The following PTGER3 variants were observed in gnomAD, a reference collection of about 807,000 sequenced individuals.
PTGER3 encodes the protein prostaglandin E2 receptor EP3 subtype.
In PTGER3, 22 loss-of-function variants were observed where a neutral mutation model predicts 34.7. The ratio of observed to expected loss-of-function variants is 0.63; its 90% CI spans 0.45 to 0.91. The LOEUF (loss-of-function observed/expected upper bound fraction) is 0.91, where lower values mean the gene tolerates loss of function less well. Among genes scored for constraint, PTGER3 ranks in the 40% least tolerant of loss-of-function variants. The probability of loss-of-function intolerance (pLI) is 0.00; values close to 1 mark genes in which losing one functional copy is unlikely to be tolerated. For synonymous variants in PTGER3, 241 were observed against 230.1 expected, an observed-to-expected ratio of 1.05 and a Z score of -0.43; for missense variants, 468 against 519.4, an observed-to-expected ratio of 0.90 and a Z score of 0.96.
rs995371600 is a variant in PTGER3 at position 70,952,484 on chromosome 1, A to T, written c.*423T>A. 2.0e-5 allele frequency: 20 copies of T among 986,042 alleles called. No individual in the cohort carries two copies. The African/African-American group carries it at 3.0e-4, about 15-fold the overall frequency. 61.1% of individuals were successfully genotyped at this position (986,042 alleles called of 1,614,324 possible). On this transcript the variant is annotated 3_prime_UTR_variant, in exon 4 of 4. Transcript: ENST00000356595. Reference sequence around the variant, plus strand: ...AACCTGAACAAATAACAGATTTTCCATTCACAAACCCATAACCTTATGTCA... The same window carrying T: ...AACCTGAACAAATAACAGATTTTCCTTTCACAAACCCATAACCTTATGTCA...
At chr1:70,985,513 G>A (rs1188768913) in intron 2 of PTGER3, among the ~76,000 whole-genome samples, 1 of 152,126 alleles carries the variant, frequency 6.6e-6, no homozygotes, top group Non-Finnish European at 1.5e-5. Flanking sequence ...GACAAACTGT[G>A]TATGCCACCC....
intron 4 of PTGER3, among the ~76,000 whole-genome samples, chr1:70,943,137 G>C (rs1474388342): frequency 4.6e-5 from 7 of 152,148 alleles, no homozygotes; most frequent in Admixed American, 4.6e-4. Context: ...CAACTAGTCT[G>C]TCAGTCTTTC....
chr1:70,943,377 A>G (rs554476102), intron 4 of PTGER3, among the ~76,000 whole-genome samples: 398 of 152,148 alleles, frequency 2.6e-3, no homozygotes, highest in Non-Finnish European at 4.5e-3. Context: ...ACACGATTTC[A>G]TCATTGGAGA....
chr1:70,994,202 A>G (rs1316644009), intron 2 of PTGER3, among the ~76,000 whole-genome samples: 1 of 152,140 alleles, frequency 6.6e-6, no homozygotes, highest in South Asian at 2.1e-4. Flanking sequence ...TCTTCCCTTC[A>G]TATCACCTCA....
At chr1:70,967,902 T>G (rs984182952), downstream of PTGER3, among the ~76,000 whole-genome samples, 1 of 152,206 alleles carries the variant, frequency 6.6e-6, no homozygotes, top group Admixed American at 6.5e-5. Context: ...ATGTAAAAGA[T>G]AATGACTCTA....
chr1:71,010,506 C>T, intron 2 of PTGER3: 1 of 984,060 alleles, frequency 1.0e-6, no homozygotes, highest in Non-Finnish European at 1.2e-6. Context: ...CATGCTCATG[C>T]CACTCAAATT....
At chr1:71,024,957 C>T (rs1658777210) in intron 1 of PTGER3, among the ~76,000 whole-genome samples, 1 of 151,506 alleles carries the variant, frequency 6.6e-6, no homozygotes, top group Non-Finnish European at 1.5e-5. Flanking sequence ...ATATGCACAA[C>T]GTGCAGGTTT....
intron 4 of PTGER3, among the ~76,000 whole-genome samples, chr1:70,869,884 G>T (rs1221633172): frequency 2.6e-5 from 4 of 152,162 alleles, no homozygotes; most frequent in Non-Finnish European, 5.9e-5. Context: ...TACACTGAGG[G>T]TGCAAAGTGC....
chr1:70,944,710 CT>C (rs1458891437), intron 4 of PTGER3, among the ~76,000 whole-genome samples: 1 of 152,076 alleles, frequency 6.6e-6, no homozygotes, highest in African/African-American at 2.4e-5. Context: ...CAAGAACTTT[CT>C]GCTGAGACTG....
At chr1:70,966,491 T>TA (rs1012047037), downstream of PTGER3, among the ~76,000 whole-genome samples, 7 of 151,980 alleles carry the variant, frequency 4.6e-5, no homozygotes, top group Admixed American at 2.0e-4. Context: ...TTCTTTATTC[T>TA]AAAAAAAACA....
At chr1:70,940,141 C>G (rs2100539813) in intron 4 of PTGER3, among the ~76,000 whole-genome samples, 1 of 152,332 alleles carries the variant, frequency 6.6e-6, no homozygotes, top group Middle Eastern at 3.4e-3. Flanking sequence ...TCACAAATCC[C>G]TAGGGCAGGG....
At chr1:71,029,462 T>C (rs1054601998) in intron 1 of PTGER3, among the ~76,000 whole-genome samples, 6 of 152,212 alleles carry the variant, frequency 3.9e-5, no homozygotes, top group Non-Finnish European at 8.8e-5. Flanking sequence ...CCTCAAGTTG[T>C]CATCAATAGA....
intron 2 of PTGER3, among the ~76,000 whole-genome samples, chr1:70,999,692 C>A (rs2100807408): frequency 6.6e-6 from 1 of 152,192 alleles, no homozygotes; most frequent in East Asian, 1.9e-4. Context: ...TAAGCATTCT[C>A]CCAAATTACA....
intron 4 of PTGER3, among the ~76,000 whole-genome samples, chr1:70,871,940 C>T (rs1646172134): frequency 6.6e-6 from 1 of 152,074 alleles, no homozygotes; most frequent in African/African-American, 2.4e-5. Flanking sequence ...GTCTATCTGT[C>T]AGATTAAGAT....
At chr1:71,001,869 A>T (rs1188072263) in intron 2 of PTGER3, among the ~76,000 whole-genome samples, 1 of 152,226 alleles carries the variant, frequency 6.6e-6, no homozygotes, top group Non-Finnish European at 1.5e-5. Context: ...TCTGTAGTAA[A>T]CATGAGATGA....
In PTGER3 at chr1:71,024,873, TTTTATTTATTTATTTATTTATTTA is replaced by T. The variant is rs139278168; in HGVS notation, c.898-12413_898-12390del. ...CCCGGCTGAAAAAAATACTTGATTC[TTTTATTTATTTATTTATTTATTTA>T]TTTATTTATTTATTTATTTATTTTT... On this transcript the variant is annotated intron_variant, in intron 1 of 3. Transcript: ENST00000306666. Among the ~76,000 whole-genome samples, 175 of 145,006 alleles carry T rather than the reference TTTTATTTATTTATTTATTTATTTA, an allele frequency of 1.2e-3. 1 individual carries two copies. Among genetic ancestry groups the T allele is most frequent in the Admixed American group, 2.6e-3 (38 of 14,514 alleles).
chr1:70,974,689 A>G (rs1402319820), intron 2 of PTGER3, among the ~76,000 whole-genome samples: 4 of 152,144 alleles, frequency 2.6e-5, no homozygotes, highest in African/African-American at 4.8e-5. Context: ...GGTGAAGGGA[A>G]ATCTAATTCA....
intron 4 of PTGER3, chr1:70,852,927 C>T (rs1368751532): frequency 2.0e-6 from 3 of 1,514,494 alleles, no homozygotes; most frequent in Non-Finnish European, 2.7e-6. Context: ...AAATAAAAAT[C>T]AAAGGCAATA....
chr1:71,037,249 G>A lies in PTGER3; in HGVS notation c.897+9432C>T, dbSNP rs1356942497. ...TGGAACGACTGATTATCTACTGTCT[G>A]TCTACCTTAGTAGACTGAAAGCTAT... is the stretch of plus-strand genomic sequence containing the variant. On this transcript the variant is annotated intron_variant, in intron 1 of 3. Transcript: ENST00000306666. Among the ~76,000 whole-genome samples, 11 of 152,172 alleles carry A rather than the reference G, an allele frequency of 7.2e-5. No homozygotes were observed. The East Asian group carries it at 1.9e-3, about 27-fold the overall frequency.
Sources: allele counts gnomAD v4.1 joint callset (sites outside exome capture counted in the v4.1 genomes callset), GRCh38; gene constraint gnomAD v4.1.1; transcripts MANE v1.5; gene names NCBI Gene and HGNC (gene_info 2026-07-23, HGNC 2026-07-21).